ADAMTSL1: variants seen among roughly 807,000 people sequenced by gnomAD.
The protein encoded by ADAMTSL1 is ADAMTS-like protein 1.
ADAMTSL1 carries 126 observed loss-of-function variants against 201.8 expected under a neutral mutation model. The ratio of observed to expected loss-of-function variants is 0.62; its 90% CI spans 0.54 to 0.72. The LOEUF (loss-of-function observed/expected upper bound fraction) is 0.72. ADAMTSL1 is among the 30% of genes least tolerant of loss of function. The pLI is 0.00. For synonymous variants in ADAMTSL1, 1,121 were observed against 903.4 expected (o/e 1.24, Z -4.32); for missense variants, 2,679 against 2,277.8 (o/e 1.18, Z -3.59).
chr9:18,495,665 A>G (rs1269739340), intron 1 of ADAMTSL1, among the ~76,000 whole-genome samples: 1 of 152,210 alleles, frequency 6.6e-6, no homozygotes, highest in African/African-American at 2.4e-5. Context: ...AGGTACAAAG[A>G]TATGGTAATT....
intron 2 of ADAMTSL1, among the ~76,000 whole-genome samples, chr9:18,308,702 C>G (rs534766088): frequency 9.2e-5 from 14 of 152,174 alleles, no homozygotes; most frequent in African/African-American, 3.4e-4. Flanking sequence ...TAATAGCCTA[C>G]CAACCAAAAA....
At chr9:18,497,393 CT>C (rs1822585009) in intron 1 of ADAMTSL1, among the ~76,000 whole-genome samples, 1 of 152,120 alleles carries the variant, frequency 6.6e-6, no homozygotes, top group African/African-American at 2.4e-5. Flanking sequence ...TGAGCACTCT[CT>C]AGGTCTAGAA....
intron 2 of ADAMTSL1, among the ~76,000 whole-genome samples, chr9:18,277,719 C>G (rs1009908674): frequency 2.0e-5 from 3 of 152,112 alleles, no homozygotes; most frequent in African/African-American, 7.2e-5. Flanking sequence ...TTTTTTCAGT[C>G]CTTTCAGTCA....
chr9:18,618,199 G>A (rs967266263), intron 4 of ADAMTSL1, among the ~76,000 whole-genome samples: 2 of 152,164 alleles, frequency 1.3e-5, no homozygotes, highest in Non-Finnish European at 2.9e-5. Flanking sequence ...TTTATGGTAT[G>A]TCTGTTTCTT....
At chr9:17,954,978 C>T (rs904687529) in intron 1 of ADAMTSL1, among the ~76,000 whole-genome samples, 1 of 152,066 alleles carries the variant, frequency 6.6e-6, no homozygotes, top group African/African-American at 2.4e-5. Flanking sequence ...ATGGTAGCAT[C>T]CAGCTTGCAA....
At chr9:18,416,555 G>A (rs535822149) in intron 2 of ADAMTSL1, among the ~76,000 whole-genome samples, 2 of 151,908 alleles carry the variant, frequency 1.3e-5, no homozygotes, top group South Asian at 2.1e-4. Flanking sequence ...GACACACATA[G>A]GTTTAAAGTA....
At chr9:18,766,326 T>C (rs933566927) in intron 16 of ADAMTSL1, among the ~76,000 whole-genome samples, 1 of 152,168 alleles carries the variant, frequency 6.6e-6, no homozygotes, top group Non-Finnish European at 1.5e-5. Context: ...TATATTCTCA[T>C]TGCAAGGGAA....
At chr9:18,662,495 A>G (rs1309813456) in intron 9 of ADAMTSL1, among the ~76,000 whole-genome samples, 1 of 152,194 alleles carries the variant, frequency 6.6e-6, no homozygotes, top group African/African-American at 2.4e-5. Context: ...ACCATATTTC[A>G]GGGCCACAGC....
chr9:18,244,087 T>TTGTGTG (rs5896777), intron 2 of ADAMTSL1, among the ~76,000 whole-genome samples: 2 of 149,688 alleles, frequency 1.3e-5, no homozygotes, highest in African/African-American at 2.5e-5. Context: ...AGAAATGATT[T>TTGTGTG]TGTGTGTGTG....
At chr9:18,271,371 T>A (rs1294802242) in intron 2 of ADAMTSL1, among the ~76,000 whole-genome samples, 1 of 151,986 alleles carries the variant, frequency 6.6e-6, no homozygotes, top group Non-Finnish European at 1.5e-5. Context: ...GTTCCCTTCC[T>A]GTGTCCAAGT....
chr9:18,407,674 A>G (rs542540677), intron 2 of ADAMTSL1, among the ~76,000 whole-genome samples: 1 of 152,352 alleles, frequency 6.6e-6, no homozygotes, highest in African/African-American at 2.4e-5. Context: ...AGATGTCTTG[A>G]TCATCTTAAT....
chr9:18,660,024 A>G (rs963832951), intron 8 of ADAMTSL1, among the ~76,000 whole-genome samples: 36 of 152,226 alleles, frequency 2.4e-4, no homozygotes, highest in African/African-American at 8.4e-4. Context: ...ATAATCGTTC[A>G]TTACATAATA....
intron 5 of ADAMTSL1, among the ~76,000 whole-genome samples, chr9:18,630,029 G>T (rs1826650541): frequency 6.6e-6 from 1 of 151,726 alleles, no homozygotes; most frequent in Admixed American, 6.6e-5. Context: ...TTTTTGACTT[G>T]ATGCCAGACA....
At chr9:18,727,590 C>T (rs1817967152) in intron 15 of ADAMTSL1, among the ~76,000 whole-genome samples, 1 of 152,168 alleles carries the variant, frequency 6.6e-6, no homozygotes, top group African/African-American at 2.4e-5. Flanking sequence ...CTGTATTGGC[C>T]CAGTGATCAC....
At chr9:18,158,839 C>T (rs772037832) in intron 1 of ADAMTSL1, among the ~76,000 whole-genome samples, 8 of 151,858 alleles carry the variant, frequency 5.3e-5, no homozygotes, top group African/African-American at 9.7e-5. Flanking sequence ...ATCTCTGTGA[C>T]ACTTTAGTTT....
intron 1 of ADAMTSL1, among the ~76,000 whole-genome samples, chr9:18,069,265 C>G (rs772389841): frequency 6.6e-5 from 10 of 152,052 alleles, no homozygotes; most frequent in Non-Finnish European, 1.3e-4. Flanking sequence ...TTCAATATAT[C>G]GAGTTGAAGA....
intron 15 of ADAMTSL1, among the ~76,000 whole-genome samples, chr9:18,737,885 A>G (rs951638786): frequency 1.3e-5 from 2 of 152,208 alleles, no homozygotes; most frequent in Non-Finnish European, 2.9e-5. Context: ...GGAATGTAGT[A>G]TCTAGAGCCA....
intron 1 of ADAMTSL1, among the ~76,000 whole-genome samples, chr9:18,127,640 G>A (rs1825794172): frequency 6.6e-6 from 1 of 152,172 alleles, no homozygotes; most frequent in Non-Finnish European, 1.5e-5. Flanking sequence ...GCTGCATGTG[G>A]AAAGTTTTCA....
intron 2 of ADAMTSL1, among the ~76,000 whole-genome samples, chr9:18,523,364 G>A (rs1312066158): frequency 6.6e-6 from 1 of 152,086 alleles, no homozygotes; most frequent in African/African-American, 2.4e-5. Context: ...TGAGTAGGTT[G>A]CAAAAATTTT....
Sources: gnomAD v4.1 joint callset for allele counts (sites outside exome capture counted in the v4.1 genomes callset) on GRCh38, gnomAD v4.1.1 for gene constraint, MANE v1.5 for transcripts, NCBI Gene and HGNC (gene_info 2026-07-23, HGNC 2026-07-21) for gene names.